Variants in ICAM5 observed in about 807,000 individuals in gnomAD.
ICAM5 encodes the protein ICAM-5.
In ICAM5, 38 loss-of-function variants were observed where a neutral mutation model predicts 78.8. That is an observed-to-expected ratio of 0.48 (90% CI 0.37 to 0.63). ICAM5 has a LOEUF of 0.63. ICAM5 is among the 30% of genes least tolerant of loss of function. ICAM5 has a pLI of 0.00. For synonymous variants in ICAM5, 544 were observed against 590.9 expected (o/e 0.92, Z 1.15); for missense variants, 1,059 against 1,303.0 (o/e 0.81, Z 2.88).
chr19:10,296,525 C>T lies in ICAM5; in HGVS notation c.2684C>T (p.Ala895Val). 9.9e-6 allele frequency: 12 copies of T among 1,208,138 alleles called. No individual in the cohort carries two copies. Among genetic ancestry groups the T allele is most frequent in the Non-Finnish European group, 1.3e-5 (12 of 957,870 alleles). The allele number at this position is 1,208,138 out of a possible 1,614,324, so 74.8% of individuals were successfully genotyped here. Reference protein sequence around the residue: ...NGAGGGAGGAAGAEGGPEAAG... With the variant: ...NGAGGGAGGAVGAEGGPEAAG... Reference sequence around the variant, plus strand: ...GCGGGCGGCGGCGCTGGCGGGGCGGCAGGCGCGGAGGGCGGACCCGAGGCG... The same window carrying T: ...GCGGGCGGCGGCGCTGGCGGGGCGGTAGGCGCGGAGGGCGGACCCGAGGCG... Residue 895 changes from alanine (A) to valine (V), a missense_variant, in exon 11 of 11, where the codon GCA becomes GTA. Physicochemically the swap from Ala to Val is moderately conservative, Grantham distance 64 (BLOSUM62 0). This residue lies in a region of ICAM5 where 109 missense variants were observed against 120.0 expected (regional missense o/e 0.91). Transcript: ENST00000221980.
intron 4 of ICAM5, 98 bp from the exon 5 acceptor site, chr19:10,292,514 C>G (rs2040182652): frequency 6.8e-7 from 1 of 1,466,114 alleles, no homozygotes; most frequent in African/African-American, 1.4e-5. Flanking sequence ...TACCCTAGTT[C>G]GTTCTCAGCA....
Position 10,292,320 on chromosome 19 carries a change from A to T in ICAM5, c.959A>T (p.Tyr320Phe). The change falls in exon 4 of 11, where the codon TAC (tyrosine) becomes TTC (phenylalanine). Residue 320 changes from tyrosine to phenylalanine, a missense_variant and splice_region_variant. This residue lies in a region of ICAM5 where 815 missense variants were observed against 952.8 expected (regional missense o/e 0.86). Transcript: ENST00000221980. ...NRETRENVTI[Y>F]SFPAPLLTLS... ...GAGACCCGGGAGAACGTGACCATCT[A>T]CAGTAAGGAAGGAGGCGGGGTCTCC... The T allele has an allele frequency of 1.3e-6, 2 of 1,594,724 alleles. No individual in the cohort carries two copies. The highest frequency in any genetic ancestry group is 1.7e-6 in the Non-Finnish European group (2 of 1,172,282).
rs1310831170 is a variant in ICAM5 at position 10,294,542 on chromosome 19, A to C, written c.2132A>C (p.Glu711Ala). Residue 711 changes from glutamate to alanine, a missense_variant, in exon 9 of 11, where the codon GAG (glutamate) becomes GCG (alanine). Physicochemically the swap from Glu to Ala is moderately radical, Grantham distance 107. Around this residue, in one of 3 missense-constraint regions of ICAM5, gnomAD observed 135 missense variants for 230.2 expected, o/e 0.59. Coordinates refer to ENST00000221980, the MANE Select transcript of ICAM5 (RefSeq NM_003259.4). This position sits in a 1 kb window ranked among gnomAD's most constrained non-coding sequence, Gnocchi z 7.7. The part of the protein sequence containing the change: ...RCSREGIPWP[E>A]QQRVSREDAG... ...TCTCGGGAAGGCATCCCATGGCCTGAGCAGCAGCGCGTGTCCCGAGAGGAC... is the reference window on the plus strand; with the variant it reads ...TCTCGGGAAGGCATCCCATGGCCTGCGCAGCAGCGCGTGTCCCGAGAGGAC... 1 of 1,606,402 alleles carries C rather than the reference A, an allele frequency of 6.2e-7. No homozygotes were observed. Among genetic ancestry groups the C allele is most frequent in the East Asian group, 2.2e-5 (1 of 44,490 alleles).
In ICAM5 at chr19:10,292,056, G is replaced by T. The variant is rs1349237006; in HGVS notation, c.695G>T (p.Arg232Leu). The stretch of plus-strand genomic sequence containing the variant: ...CTAGCCCTGTCTCCGGATGCCCCGC[G>T]CCTCGCTGCTCCCCGGCTCTTGGAA... Reference protein sequence around the residue: ...RTFSLSPDAPRLAAPRLLEVG... With the variant: ...RTFSLSPDAPLLAAPRLLEVG... The change falls in exon 4 of 11, where the codon CGC becomes CTC. Residue 232 changes from arginine to leucine, a missense_variant. Transcript: ENST00000221980. 1.9e-6 allele frequency: 3 copies of T among 1,612,166 alleles called. No individual in the cohort carries two copies. Among genetic ancestry groups the T allele is most frequent in the Non-Finnish European group, 2.5e-6 (3 of 1,179,150 alleles).
Position 10,295,505 on chromosome 19 carries a change from G to A in ICAM5, c.2390G>A (p.Ser797Asn), listed in dbSNP as rs2040212970. Residue 797 changes from serine (S) to asparagine (N), a missense_variant, in exon 10 of 11, where the codon AGC (serine) becomes AAC (asparagine). By Grantham distance (46) the Ser-to-Asn change is conservative (BLOSUM62 1). Transcript: ENST00000221980. ...ALNIGLSSNN[S>N]TLSVAGAMGS... is the part of the protein sequence containing the mutation. ...AACATCGGCCTGTCGAGCAACAACA[G>A]CACACTGAGCGTGGCAGGCGCCATG... 1 of 1,565,026 alleles carries A rather than the reference G, an allele frequency of 6.4e-7. No individual in the cohort carries two copies. The highest frequency in any genetic ancestry group is 1.4e-5 in the African/African-American group (1 of 73,464).
Position 10,290,344 on chromosome 19 carries a change from G to A in ICAM5, c.82+219G>A, listed in dbSNP as rs2040161135. On this transcript the variant is annotated intron_variant, in intron 1 of 10. Coordinates refer to ENST00000221980, the MANE Select transcript of ICAM5 (RefSeq NM_003259.4). The surrounding 1 kb of genome is among the most constrained non-coding windows in gnomAD (Gnocchi z 5.7). ...AGCCCCTACCCGCTTCGAGATCCTA[G>A]GTGTTCTTCCGCACCCAACCCTTCG... 2.0e-6 allele frequency: 1 copy of A among 488,194 alleles called. No individual in the cohort carries two copies. The highest frequency in any genetic ancestry group is 3.6e-6 in the Non-Finnish European group (1 of 276,536). The allele number at this position is 488,194 out of a possible 1,614,324, so 30.2% of individuals were successfully genotyped here.
At position 10,296,373 on chromosome 19, in the gene ICAM5, G is replaced by T. The variant is rs765844530; in HGVS notation, c.2532G>T (p.Ala844=). 4 of 1,254,622 alleles carry T rather than the reference G, an allele frequency of 3.2e-6. No homozygotes were observed. In the East Asian group the frequency reaches 9.7e-5, roughly 30 times the overall value. The allele number at this position is 1,254,622 out of a possible 1,614,324, so 77.7% of individuals were successfully genotyped here. The part of the protein sequence containing the change: ...PWLWVAVGGA[A]GGAALLAAGA... ...TATGGGTCGCCGTGGGCGGCGCGGC[G>T]GGGGGCGCGGCGCTGCTGGCCGCGG... The change falls in exon 11 of 11, where the codon GCG becomes GCT. Residue 844 remains alanine (A), a synonymous_variant. Transcript: ENST00000221980.
At chr19:10,292,965 C>T in intron 5 of ICAM5, 33 bp from the exon 6 acceptor site, 1 of 1,610,710 alleles carries the variant, frequency 6.2e-7, no homozygotes, top group Non-Finnish European at 8.5e-7. Flanking sequence ...TTTCTTACGT[C>T]TAAGCCTCTG....
rs1355209507 is a variant in ICAM5, at chr19:10,290,209, T to G, written c.82+84T>G. The stretch of plus-strand genomic sequence containing the variant: ...GAAACGGCCTCCTGTCCCTCCCAGC[T>G]CTGCCCTCGCCTCGCTCCCACGCCT... On this transcript the variant is annotated intron_variant, in intron 1 of 10. Coordinates refer to ENST00000221980, the MANE Select transcript of ICAM5 (RefSeq NM_003259.4). This position sits in a 1 kb window ranked among gnomAD's most constrained non-coding sequence, Gnocchi z 5.7. The G allele has an allele frequency of 1.1e-5, 12 of 1,051,008 alleles. No homozygotes were observed. The highest frequency in any genetic ancestry group is 1.7e-5 in the African/African-American group (1 of 59,686). 65.1% of individuals were successfully genotyped at this position (1,051,008 alleles called of 1,614,324 possible). A position where few individuals can be genotyped will look rare whatever the true frequency, so the allele number is the denominator to read the frequency against.
chr19:10,292,969 G>T, intron 5 of ICAM5, 29 bp from the exon 6 acceptor site: 1 of 1,610,702 alleles, frequency 6.2e-7, no homozygotes. Context: ...TTACGTCTAA[G>T]CCTCTGTAAC....
intron 10 of ICAM5, 64 bp from the exon 11 acceptor site, chr19:10,296,275 C>CG (rs995725495): frequency 8.2e-7 from 1 of 1,219,862 alleles, no homozygotes; most frequent in Non-Finnish European, 1.0e-6. Context: ...TGTGGGAGTG[C>CG]GGGGGGCGGT....
At chr19:10,292,940 G>A in intron 5 of ICAM5, 58 bp from the exon 6 acceptor site, 1 of 1,607,628 alleles carries the variant, frequency 6.2e-7, no homozygotes, top group East Asian at 2.2e-5. Flanking sequence ...TCACCGTGTC[G>A]TGGAGGCGGA....
rs1178638703 is a variant in ICAM5, at chr19:10,290,075, C to A, written c.32C>A (p.Ala11Glu). 1 of 1,543,196 alleles carries A rather than the reference C, an allele frequency of 6.5e-7. No individual in the cohort carries two copies. The highest frequency in any genetic ancestry group is 8.7e-7 in the Non-Finnish European group (1 of 1,144,788). The change falls in exon 1 of 11, where the codon GCG becomes GAG. Residue 11 changes from alanine (A) to glutamate (E), a missense_variant. By Grantham distance (107) the Ala-to-Glu change is moderately radical (BLOSUM62 -1). Coordinates refer to ENST00000221980, the MANE Select transcript of ICAM5 (RefSeq NM_003259.4). The surrounding 1 kb of genome is among the most constrained non-coding windows in gnomAD (Gnocchi z 5.7). ...GGGCCTTCGCCAGGGCTGCGCCGGG[C>A]GCTACTCGGCCTCTGGGCTGCTCTG... MPGPSPGLRR[A>E]LLGLWAALGL...
At position 10,294,598 on chromosome 19, in the gene ICAM5, G is replaced by A. The variant is rs975627299; in HGVS notation, c.2188G>A (p.Ala730Thr). 2 of 1,612,890 alleles carry A rather than the reference G, an allele frequency of 1.2e-6. No homozygotes were observed. Among genetic ancestry groups the A allele is most frequent in the African/African-American group, 1.3e-5 (1 of 74,928 alleles). ...AGTYHCVATN[A>T]HGTDSRTVTV... is the part of the protein sequence containing the mutation. ...CACTTACCACTGTGTGGCCACCAAT[G>A]CGCATGGCACGGACTCCCGGACCGT... The change falls in exon 9 of 11, where the codon GCG becomes ACG. Residue 730 changes from alanine (A) to threonine (T), a missense_variant. By Grantham distance (58) the Ala-to-Thr change is moderately conservative (BLOSUM62 0). Transcript: ENST00000221980. This position sits in a 1 kb window ranked among gnomAD's most constrained non-coding sequence, Gnocchi z 7.7.
Position 10,290,043 on chromosome 19 carries a change from G to C in ICAM5, c.-1G>C. 6.5e-7 allele frequency: 1 copy of C among 1,539,448 alleles called. No homozygotes were observed. The highest frequency in any genetic ancestry group is 1.2e-5 in the South Asian group (1 of 83,592). On this transcript the variant is annotated 5_prime_UTR_variant, in exon 1 of 11. Transcript: ENST00000221980. This position sits in a 1 kb window ranked among gnomAD's most constrained non-coding sequence, Gnocchi z 5.7. ...CCTCCTGTGCTTTCCCCGCCGCGGC[G>C]ATGCCAGGGCCTTCGCCAGGGCTGC...
chr19:10,295,394 G>T lies in ICAM5; in HGVS notation c.2279G>T (p.Arg760Leu). ...ELAASPPGGVRPGGNFTLTCR... is the reference protein window; with the variant it reads ...ELAASPPGGVLPGGNFTLTCR... The stretch of plus-strand genomic sequence containing the variant: ...GCTGCCTCGCCCCCTGGAGGCGTGC[G>T]CCCAGGAGGAAACTTCACGTTGACC... The change falls in exon 10 of 11, where the codon CGC (arginine) becomes CTC (leucine). Residue 760 changes from arginine (R) to leucine (L), a missense_variant. Around this residue, in one of 3 missense-constraint regions of ICAM5, gnomAD observed 135 missense variants for 230.2 expected, o/e 0.59. Transcript: ENST00000221980. The T allele has an allele frequency of 6.2e-7, 1 of 1,600,628 alleles. No homozygotes were observed. Among genetic ancestry groups the T allele is most frequent in the South Asian group, 1.1e-5 (1 of 90,410 alleles).
Position 10,291,278 on chromosome 19 carries a change from C to A in ICAM5, c.289C>A (p.Pro97Thr). The change falls in exon 2 of 11, where the codon CCC (proline) becomes ACC (threonine). Residue 97 changes from proline to threonine, a missense_variant. By Grantham distance (38) the Pro-to-Thr change is conservative. This residue lies in a region of ICAM5 where 815 missense variants were observed against 952.8 expected (regional missense o/e 0.86). Coordinates refer to ENST00000221980, the MANE Select transcript of ICAM5 (RefSeq NM_003259.4). ...GGACATTCGCGAGCCGGAGACTCAG[C>A]CCGTCTGCTTCTTCCGCTGCGCGCG... ...LVDIREPETQPVCFFRCARRT... is the reference protein window; with the variant it reads ...LVDIREPETQTVCFFRCARRT... 1 of 1,612,638 alleles carries A rather than the reference C, an allele frequency of 6.2e-7. No homozygotes were observed. Among genetic ancestry groups the A allele is most frequent in the South Asian group, 1.1e-5 (1 of 91,070 alleles).
chr19:10,294,024 C>A lies in ICAM5; in HGVS notation c.1712-16C>A. 6 of 1,584,286 alleles carry A rather than the reference C, an allele frequency of 3.8e-6. No individual in the cohort carries two copies. The highest frequency in any genetic ancestry group is 5.2e-6 in the Non-Finnish European group (6 of 1,162,800). ...TTCCTGGCCCCCGTGTGAGCCCCTG[C>A]AATCCTGTTTCCCAGATGGCCCCAG... On this transcript the variant is annotated splice_polypyrimidine_tract_variant and intron_variant, in intron 7 of 10. Coordinates refer to ENST00000221980, the MANE Select transcript of ICAM5 (RefSeq NM_003259.4). This position sits in a 1 kb window ranked among gnomAD's most constrained non-coding sequence, Gnocchi z 7.7.
chr19:10,294,123 G>T lies in ICAM5; in HGVS notation c.1795G>T (p.Asp599Tyr), dbSNP rs2040200386. Reference protein sequence around the residue: ...GSGRLFSCEVDGKPQPSVKCV... With the variant: ...GSGRLFSCEVYGKPQPSVKCV... ...TGGGCGCCTGTTTTCCTGTGAGGTCGATGGGAAGCCACAGCCAAGCGTGAA... is the reference window on the plus strand; with the variant it reads ...TGGGCGCCTGTTTTCCTGTGAGGTCTATGGGAAGCCACAGCCAAGCGTGAA... Residue 599 changes from aspartate (D) to tyrosine (Y), a missense_variant, in exon 8 of 11, where the codon GAT becomes TAT. Asp to Tyr is a radical substitution (Grantham distance 160, BLOSUM62 -3). Transcript: ENST00000221980. The surrounding 1 kb of genome is among the most constrained non-coding windows in gnomAD (Gnocchi z 7.7). 7 of 1,604,574 alleles carry T rather than the reference G, an allele frequency of 4.4e-6. No homozygotes were observed. Among genetic ancestry groups the T allele is most frequent in the Non-Finnish European group, 5.9e-6 (7 of 1,176,500 alleles).
Sources: allele counts gnomAD v4.1 joint callset, GRCh38; gene constraint gnomAD v4.1.1; regional missense constraint gnomAD v4.1.1; non-coding constraint Gnocchi (gnomAD v3.1); transcripts MANE v1.5; gene names NCBI Gene and HGNC (gene_info 2026-07-23, HGNC 2026-07-21).